ATAD2: variants seen among roughly 807,000 people sequenced by gnomAD.
ATAD2 encodes ATPase family AAA domain-containing protein 2.
In ATAD2, 62 loss-of-function variants were observed where a neutral mutation model predicts 168.9. That is an observed-to-expected ratio of 0.37 (90% CI 0.30 to 0.45). The LOEUF (loss-of-function observed/expected upper bound fraction) is 0.45, where lower values mean the gene tolerates loss of function less well. ATAD2 is among the 20% of genes least tolerant of loss of function. ATAD2 has a pLI of 1.00. For synonymous variants in ATAD2, 613 were observed against 571.6 expected, an observed-to-expected ratio of 1.07 and a Z score of -1.03; for missense variants, 1,419 against 1,667.8, an observed-to-expected ratio of 0.85 and a Z score of 2.60.
At chr8:123,377,116 C>A (rs375533861) in intron 2 of ATAD2, among the ~76,000 whole-genome samples, 1 of 12,482 alleles carries the variant, frequency 8.0e-5, no homozygotes, top group African/African-American at 2.6e-4. Context: ...AAAAAAAGAG[C>A]CAGGTGTGGT....
chr8:123,359,340 G>C lies in ATAD2; in HGVS notation c.1267-4C>G, dbSNP rs2131362278. On this transcript the variant is annotated splice_polypyrimidine_tract_variant and splice_region_variant and intron_variant, in intron 10 of 27. Coordinates refer to ENST00000287394, the MANE Select transcript of ATAD2 (RefSeq NM_014109.4). ...CACCAACACTATCAAATCGTACCTG[G>C]TAATGGAAGCGAACATGTACATTTT... The C allele has an allele frequency of 6.3e-7, 1 of 1,581,688 alleles. No individual in the cohort carries two copies. The highest frequency in any genetic ancestry group is 8.6e-7 in the Non-Finnish European group (1 of 1,158,514).
At chr8:123,416,289 G>C (rs1813276298) in exon 1 of ATAD2, 1 of 153,050 alleles carries the variant, frequency 6.5e-6, no homozygotes, top group Admixed American at 6.5e-5. Context: ...CTGGTTGGAA[G>C]AGCCTCCCCG....
rs770860583 is a variant in ATAD2, at chr8:123,369,912, A to G, written c.840T>C (p.Asp280=). 1.9e-6 allele frequency: 3 copies of G among 1,584,354 alleles called. No individual in the cohort carries two copies. The highest frequency in any genetic ancestry group is 2.6e-6 in the Non-Finnish European group (3 of 1,161,676). Residue 280 remains aspartate, a synonymous_variant, in exon 7 of 28, where the codon GAT becomes GAC. Coordinates refer to ENST00000287394, the MANE Select transcript of ATAD2 (RefSeq NM_014109.4). ...CTTCTTCTCCATCTTCTTCATCTTC[A>G]TCATCTTCATCATCATCATCATCAT... The part of the protein sequence containing the change: ...DDDDDDDDED[D]EDEEDGEEEN...
chr8:123,357,901 G>A (rs1419133052), intron 11 of ATAD2, among the ~76,000 whole-genome samples, 165 bp from the exon 12 acceptor site: 1 of 152,104 alleles, frequency 6.6e-6, no homozygotes, highest in Non-Finnish European at 1.5e-5. Flanking sequence ...TAAAACCTGG[G>A]AGTTAATACT....
intron 24 of ATAD2, among the ~76,000 whole-genome samples, chr8:123,331,508 G>T (rs1311180686): frequency 6.6e-6 from 1 of 152,136 alleles, no homozygotes; most frequent in Non-Finnish European, 1.5e-5. Flanking sequence ...CCAAAGTGCT[G>T]GGTTTACAGG....
intron 19 of ATAD2, among the ~76,000 whole-genome samples, chr8:123,341,271 G>A (rs983858629): frequency 3.3e-5 from 5 of 152,108 alleles, no homozygotes; most frequent in African/African-American, 1.2e-4. Flanking sequence ...AGATCTTTTG[G>A]TATAGAATTT....
At position 123,395,643 on chromosome 8, in the gene ATAD2, T is replaced by C. The variant is rs568501824; in HGVS notation, c.171+544A>G. 3.3e-5 allele frequency among the ~76,000 whole-genome samples: 5 copies of C among 152,260 alleles called. No individual in the cohort carries two copies. In the South Asian group the frequency reaches 6.2e-4, roughly 19 times the overall value. On this transcript the variant is annotated intron_variant, in intron 1 of 27. Coordinates refer to ENST00000287394, the MANE Select transcript of ATAD2 (RefSeq NM_014109.4). ...GCGGGGGGCGTACATGAAATGTTGG[T>C]CTTCATCCCTCCACATTATGCAACC...
In ATAD2 at chr8:123,320,371, A is replaced by C. The variant is rs1392068717; in HGVS notation, c.*763T>G. On this transcript the variant is annotated 3_prime_UTR_variant, in exon 28 of 28. Transcript: ENST00000287394. ...AATTGTATATAAAAAGTATCAATAG[A>C]CTATAACCTAAACAGTTTTAGAAAG... 1 of 151,958 alleles carries C rather than the reference A, an allele frequency of 6.6e-6. No homozygotes were observed. The highest frequency in any genetic ancestry group is 1.5e-5 in the Non-Finnish European group (1 of 67,974). The allele number at this position is 151,958 out of a possible 1,614,324, so 9.4% of individuals were successfully genotyped here.
intron 13 of ATAD2, among the ~76,000 whole-genome samples, chr8:123,354,329 T>C (rs532930602): frequency 6.6e-6 from 1 of 152,370 alleles, no homozygotes; most frequent in Non-Finnish European, 1.5e-5. Context: ...CTAAAAAAGC[T>C]TAATTTAACA....
chr8:123,328,297 T>A lies in ATAD2; in HGVS notation c.3761A>T (p.Asp1254Val). The A allele has an allele frequency of 6.2e-7, 1 of 1,602,792 alleles. No homozygotes were observed. Among genetic ancestry groups the A allele is most frequent in the Non-Finnish European group, 8.5e-7 (1 of 1,175,992 alleles). ...NTCNIENELE[D>V]SRKTTACTEL... ...TGTACATGCTGTAGTCTTCCTAGAG[T>A]CTTCAAGCTCATTCTCTATATTACA... Residue 1254 changes from aspartate to valine, a missense_variant, in exon 25 of 28, where the codon GAC (aspartate) becomes GTC (valine). Asp to Val is a radical substitution (Grantham distance 152, BLOSUM62 -3). Around this residue, in one of 5 missense-constraint regions of ATAD2, gnomAD observed 303 missense variants for 304.3 expected, o/e 1.00. Coordinates refer to ENST00000287394, the MANE Select transcript of ATAD2 (RefSeq NM_014109.4).
intron 8 of ATAD2, among the ~76,000 whole-genome samples, chr8:123,368,195 A>C (rs1210820795): frequency 1.3e-5 from 2 of 152,196 alleles, no homozygotes; most frequent in Admixed American, 6.5e-5. Flanking sequence ...AGGCGAGTGG[A>C]TCACTTGAGG....
Position 123,396,387 on chromosome 8 carries a change from G to C in ATAD2, c.-30C>G, listed in dbSNP as rs776749816. The C allele has an allele frequency of 6.5e-7, 1 of 1,531,222 alleles. No homozygotes were observed. Among genetic ancestry groups the C allele is most frequent in the Admixed American group, 1.9e-5 (1 of 52,044 alleles). The allele number at this position is 1,531,222 out of a possible 1,614,324, so 94.9% of individuals were successfully genotyped here. The stretch of plus-strand genomic sequence containing the variant: ...TCTCCCTACTGGCCTCGGCGTGCGC[G>C]ACCGGAGAGAGATCCAGCTCCAGGC... On this transcript the variant is annotated 5_prime_UTR_variant, in exon 1 of 28. Coordinates refer to ENST00000287394, the MANE Select transcript of ATAD2 (RefSeq NM_014109.4).
chr8:123,392,638 A>T (rs1752967523), intron 1 of ATAD2, among the ~76,000 whole-genome samples: 2 of 152,166 alleles, frequency 1.3e-5, no homozygotes, highest in African/African-American at 4.8e-5. Flanking sequence ...AAAAAAGTTA[A>T]AAGAATGGGT....
At chr8:123,393,052 C>T (rs189663918) in intron 1 of ATAD2, among the ~76,000 whole-genome samples, 239 of 152,016 alleles carry the variant, frequency 1.6e-3, no homozygotes, top group African/African-American at 5.4e-3. Context: ...GGCGTGTTGG[C>T]GGGTGCCTGT....
Position 123,396,403 on chromosome 8 carries a change from A to C in ATAD2, c.-46T>G. ...GGCGTGCGCGACCGGAGAGAGATCC[A>C]GCTCCAGGCGCTCGCAGCTCTGGCT... On this transcript the variant is annotated 5_prime_UTR_variant, in exon 1 of 28. Transcript: ENST00000287394. 6.7e-7 allele frequency: 1 copy of C among 1,491,060 alleles called. No individual in the cohort carries two copies. Among genetic ancestry groups the C allele is most frequent in the Non-Finnish European group, 8.9e-7 (1 of 1,123,864 alleles). 92.4% of individuals were successfully genotyped at this position (1,491,060 alleles called of 1,614,324 possible).
At position 123,347,224 on chromosome 8, in the gene ATAD2, C is replaced by G; in HGVS notation, c.2080G>C (p.Val694Leu). The change falls in exon 16 of 28, where the codon GTG (valine) becomes CTG (leucine). Residue 694 changes from valine (V) to leucine (L), a missense_variant. Transcript: ENST00000287394. ...GACAGTGCCTGCCCAGGTGATGTCA[C>G]AGCTCTTTGGGAGGCTGGTATCATC... The part of the protein sequence containing the change: ...QKMIPASQRA[V>L]TSPGQALSTV... 1 of 1,614,164 alleles carries G rather than the reference C, an allele frequency of 6.2e-7. No individual in the cohort carries two copies. Among genetic ancestry groups the G allele is most frequent in the South Asian group, 1.1e-5 (1 of 91,084 alleles).
intron 6 of ATAD2, among the ~76,000 whole-genome samples, chr8:123,370,282 T>C (rs1443492268): frequency 1.3e-5 from 2 of 152,108 alleles, no homozygotes; most frequent in South Asian, 2.1e-4. Flanking sequence ...GTTTGAAGGC[T>C]ACTGTTAAGC....
At chr8:123,333,014 A>T (rs1330375674) in intron 24 of ATAD2, among the ~76,000 whole-genome samples, 3 of 151,946 alleles carry the variant, frequency 2.0e-5, no homozygotes, top group Non-Finnish European at 4.4e-5. Flanking sequence ...GAGGATGGAC[A>T]AACTTGCAAT....
At chr8:123,401,936 C>T (rs556749098) in intron 1 of ATAD2, 4 of 801,566 alleles carry the variant, frequency 5.0e-6, no homozygotes, top group Non-Finnish European at 9.0e-6. Flanking sequence ...GAAGTTTGTG[C>T]CCTACCTCAT....
Sources: gnomAD v4.1 joint callset for allele counts (sites outside exome capture counted in the v4.1 genomes callset) on GRCh38, gnomAD v4.1.1 for gene constraint, gnomAD v4.1.1 regional missense constraint, MANE v1.5 for transcripts, NCBI Gene and HGNC (gene_info 2026-07-23, HGNC 2026-07-21) for gene names.